Variants in SV2B observed in about 807,000 individuals in gnomAD.
The protein encoded by SV2B is solute carrier family 22 member B2.
In SV2B, 41 loss-of-function variants were observed where a neutral mutation model predicts 73.9. The observed-to-expected ratio is 0.56, with a 90% CI of 0.43 to 0.72. SV2B has a LOEUF of 0.72. Ranked by LOEUF, SV2B falls within the 30% of genes least tolerant of loss-of-function variation. SV2B has a pLI of 0.00. For missense variants in SV2B, 764 were observed against 857.8 expected (o/e 0.89, Z 1.37); for synonymous variants, 314 against 314.2 (o/e 1.00, Z 0.01).
intron 1 of SV2B, among the ~76,000 whole-genome samples, chr15:91,187,013 A>G (rs1003019840): frequency 1.4e-4 from 22 of 152,220 alleles, no homozygotes; most frequent in African/African-American, 5.3e-4. Context: ...TTTTCACTGT[A>G]AGGAGACGAT....
intron 1 of SV2B, among the ~76,000 whole-genome samples, chr15:91,154,522 C>T (rs1003655300): frequency 3.9e-5 from 6 of 152,174 alleles, no homozygotes; most frequent in South Asian, 2.1e-4. Context: ...TTGATCTCAG[C>T]GTCTGTCCAT....
chr15:91,184,589 C>T (rs2044704080), intron 1 of SV2B, among the ~76,000 whole-genome samples: 1 of 152,182 alleles, frequency 6.6e-6, no homozygotes, highest in African/African-American at 2.4e-5. Context: ...CCTTTCTATT[C>T]CCCAATTTCT....
intron 1 of SV2B, among the ~76,000 whole-genome samples, chr15:91,195,262 A>G (rs542002371): frequency 6.6e-6 from 1 of 152,146 alleles, no homozygotes; most frequent in East Asian, 1.9e-4. Context: ...GGCTCAAGCG[A>G]TTCTCCCACC....
chr15:91,131,456 T>G (rs1319931737), intron 1 of SV2B, among the ~76,000 whole-genome samples: 3 of 152,124 alleles, frequency 2.0e-5, no homozygotes, highest in Non-Finnish European at 4.4e-5. Context: ...TGTGTATGTG[T>G]ATATGTATAT....
intron 1 of SV2B, among the ~76,000 whole-genome samples, chr15:91,173,751 T>G (rs917951372): frequency 2.6e-5 from 4 of 152,180 alleles, no homozygotes; most frequent in African/African-American, 7.2e-5. Context: ...AAAGAATAGG[T>G]GAATATTTCA....
At chr15:91,164,292 G>A (rs1193521920) in intron 1 of SV2B, among the ~76,000 whole-genome samples, 1 of 152,100 alleles carries the variant, frequency 6.6e-6, no homozygotes, top group Non-Finnish European at 1.5e-5. Flanking sequence ...GCATTGCCAA[G>A]ACAACGCTAA....
In SV2B at chr15:91,252,389, T is replaced by C; in HGVS notation, c.653T>C (p.Ile218Thr). The C allele has an allele frequency of 1.2e-6, 2 of 1,612,876 alleles. No individual in the cohort carries two copies. The highest frequency in any genetic ancestry group is 1.7e-6 in the Non-Finnish European group (2 of 1,179,522). The change falls in exon 4 of 13, where the codon ATT becomes ACT. Residue 218 changes from isoleucine (I) to threonine (T), a missense_variant. Physicochemically the swap from Ile to Thr is moderately conservative, Grantham distance 89. Coordinates refer to ENST00000394232, the MANE Select transcript of SV2B (RefSeq NM_001323032.3). The surrounding 1 kb of genome is among the most constrained non-coding windows in gnomAD (Gnocchi z 4.6). ...TGCAGTATTGGGGGTGCTCTACCGATTGTTTTTGCCTATTTTTCTGAATTC... is the reference window on the plus strand; with the variant it reads ...TGCAGTATTGGGGGTGCTCTACCGACTGTTTTTGCCTATTTTTCTGAATTC... Reference protein sequence around the residue: ...SGIGIGGALPIVFAYFSEFLS... With the variant: ...SGIGIGGALPTVFAYFSEFLS...
At chr15:91,116,695 G>A (rs2042188662) in intron 1 of SV2B, among the ~76,000 whole-genome samples, 2 of 152,162 alleles carry the variant, frequency 1.3e-5, no homozygotes, top group African/African-American at 2.4e-5. Flanking sequence ...TGTACTGATA[G>A]GGAACTCATA....
chr15:91,246,732 C>CCTCCTCCTCCTTCTT (rs1214851018), intron 2 of SV2B, among the ~76,000 whole-genome samples: 1 of 151,910 alleles, frequency 6.6e-6, no homozygotes, highest in African/African-American at 2.4e-5. Flanking sequence ...TCCTCCTCCT[C>CCTCCTCCTCCTTCTT]CTCCTCCTCC....
At chr15:91,279,705 A>G (rs2048622500) in intron 9 of SV2B, among the ~76,000 whole-genome samples, 1 of 152,234 alleles carries the variant, frequency 6.6e-6, no homozygotes, top group Non-Finnish European at 1.5e-5. Flanking sequence ...GAATATTAAA[A>G]TATCACCCAA....
intron 1 of SV2B, among the ~76,000 whole-genome samples, chr15:91,165,489 A>G (rs565710199): frequency 6.6e-6 from 1 of 152,216 alleles, no homozygotes. Context: ...TTTAAAGTAT[A>G]TGGCAGGCTG....
chr15:91,248,401 C>T (rs1267652159), intron 2 of SV2B, among the ~76,000 whole-genome samples: 1 of 152,196 alleles, frequency 6.6e-6, no homozygotes, highest in Non-Finnish European at 1.5e-5. Flanking sequence ...TGTTTTTAAT[C>T]TGCATATCTT....
intron 9 of SV2B, among the ~76,000 whole-genome samples, chr15:91,279,130 A>G (rs535587365): frequency 6.6e-6 from 1 of 152,292 alleles, no homozygotes; most frequent in Admixed American, 6.5e-5. Context: ...GTCACCTCAT[A>G]CTTTACCCAA....
chr15:91,279,191 T>A (rs2048602699), intron 9 of SV2B, among the ~76,000 whole-genome samples: 1 of 152,256 alleles, frequency 6.6e-6, no homozygotes, highest in Non-Finnish European at 1.5e-5. Context: ...ACCTCTATCT[T>A]GATAATCATC....
intron 9 of SV2B, among the ~76,000 whole-genome samples, chr15:91,273,787 C>G (rs1352444045): frequency 2.0e-5 from 3 of 152,130 alleles, no homozygotes; most frequent in African/African-American, 7.2e-5. Flanking sequence ...AGCATTACTC[C>G]TTTTGATAAT....
intron 4 of SV2B, among the ~76,000 whole-genome samples, chr15:91,257,031 G>C (rs1331162764): frequency 2.0e-5 from 3 of 152,150 alleles, no homozygotes; most frequent in Non-Finnish European, 4.4e-5. Context: ...TATTTACATA[G>C]TCTTGTCTTT....
chr15:91,163,176 TG>T (rs1391851507), intron 1 of SV2B, among the ~76,000 whole-genome samples: 1 of 152,190 alleles, frequency 6.6e-6, no homozygotes, highest in African/African-American at 2.4e-5. Context: ...ATGGACATTT[TG>T]GGTTGTTTCC....
intron 1 of SV2B, among the ~76,000 whole-genome samples, chr15:91,186,180 A>G (rs2141333916): frequency 6.6e-6 from 1 of 152,372 alleles, no homozygotes. Context: ...GAGATACAGA[A>G]TGAAAGAAGG....
At chr15:91,183,148 G>T (rs1383575201) in intron 1 of SV2B, among the ~76,000 whole-genome samples, 1 of 152,222 alleles carries the variant, frequency 6.6e-6, no homozygotes, top group Non-Finnish European at 1.5e-5. Context: ...CTGGGGTCTA[G>T]AAAGATTTAC....
Sources: gnomAD v4.1 joint callset for allele counts (sites outside exome capture counted in the v4.1 genomes callset) on GRCh38, gnomAD v4.1.1 for gene constraint, Gnocchi (gnomAD v3.1) non-coding constraint, MANE v1.5 for transcripts, NCBI Gene and HGNC (gene_info 2026-07-23, HGNC 2026-07-21) for gene names.